The following PTPRG variants were observed in gnomAD, a reference collection of about 807,000 sequenced individuals.
PTPRG encodes the protein protein tyrosine phosphatase receptor type G.
Under a neutral mutation model 165.3 loss-of-function variants are expected in PTPRG, and 102 were observed. The ratio of observed to expected loss-of-function variants is 0.62; its 90% confidence interval spans 0.53 to 0.73. The LOEUF is 0.73. Among genes scored for constraint, PTPRG ranks in the 30% least tolerant of loss-of-function variants. The pLI, the probability that PTPRG is intolerant of heterozygous loss-of-function variation, is 0.00. For missense variants in PTPRG, 1,866 were observed against 1,861.4 expected (o/e 1.00, Z -0.05); for synonymous variants, 675 against 669.5 (o/e 1.01, Z -0.13).
At chr3:62,182,877 G>T (rs1271293568) in intron 8 of PTPRG, among the ~76,000 whole-genome samples, 1 of 152,036 alleles carries the variant, frequency 6.6e-6, no homozygotes, top group African/African-American at 2.4e-5. Flanking sequence ...GGATGGTCTC[G>T]ATCTCTTGAC....
At position 61,810,514 on chromosome 3, in the gene PTPRG, G is replaced by T. The variant is rs111567682; in HGVS notation, c.190+61532G>T. Among the ~76,000 whole-genome samples, 968 of 152,242 alleles carry T rather than the reference G, an allele frequency of 6.4e-3. 10 individuals carry two copies. The highest frequency in any genetic ancestry group is 0.022 in the African/African-American group (934 of 41,544). On this transcript the variant is annotated intron_variant, in intron 2 of 29. Coordinates refer to ENST00000474889, the MANE Select transcript of PTPRG (RefSeq NM_002841.4). ...ACAGTGCGAAGGGATACCTTATTTAGCATTGTTTAAACCTCTTTATCTGCT... is the reference window on the plus strand; with the variant it reads ...ACAGTGCGAAGGGATACCTTATTTATCATTGTTTAAACCTCTTTATCTGCT...
chr3:62,010,299 G>A lies in PTPRG; in HGVS notation c.519+6802G>A, dbSNP rs1270424335. ...TATTAAGGGCTTTGAAGAGTCCTCC[G>A]CTGAAGAATCTGTTTACCTTTGTTT... On this transcript the variant is annotated intron_variant, in intron 4 of 29. Coordinates refer to ENST00000474889, the MANE Select transcript of PTPRG (RefSeq NM_002841.4). Among the ~76,000 whole-genome samples, 6 of 151,992 alleles carry A rather than the reference G, an allele frequency of 3.9e-5. No individual in the cohort carries two copies. In the South Asian group the frequency reaches 6.2e-4, roughly 16 times the overall value.
chr3:61,664,810 G>A (rs949107153), intron 1 of PTPRG, among the ~76,000 whole-genome samples: 3 of 152,124 alleles, frequency 2.0e-5, no homozygotes, highest in African/African-American at 7.2e-5. Context: ...CAGCCTGGGC[G>A]ACAGAGCCAG....
rs1700339509 is a variant in PTPRG, at chr3:62,210,733, C to A, written c.2155+6783C>A. On this transcript the variant is annotated intron_variant, in intron 12 of 29. Transcript: ENST00000474889. This position sits in a 1 kb window ranked among gnomAD's most constrained non-coding sequence, Gnocchi z 4.1. ...TGAGAATGAAGACCTTTATGATGAC[C>A]CACTTCCACTTAATGAATAGTAAAT... Among the ~76,000 whole-genome samples the A allele has an allele frequency of 6.6e-6, 1 of 152,076 alleles. No individual in the cohort carries two copies. Among genetic ancestry groups the A allele is most frequent in the African/African-American group, 2.4e-5 (1 of 41,398 alleles).
intron 5 of PTPRG, among the ~76,000 whole-genome samples, chr3:62,096,274 AAAT>A (rs1463915817): frequency 1.3e-5 from 2 of 152,160 alleles, no homozygotes; most frequent in African/African-American, 4.8e-5. Context: ...TGACTCATGA[AAAT>A]AACGCTTCTG....
At chr3:61,945,095 C>T (rs2039723873) in intron 2 of PTPRG, among the ~76,000 whole-genome samples, 1 of 152,162 alleles carries the variant, frequency 6.6e-6, no homozygotes, top group Admixed American at 6.5e-5. Flanking sequence ...GTGGACAGAA[C>T]AGGGGCAGAG....
intron 4 of PTPRG, among the ~76,000 whole-genome samples, chr3:62,059,603 C>T (rs1700738275): frequency 1.3e-5 from 2 of 152,172 alleles, no homozygotes; most frequent in African/African-American, 2.4e-5. Context: ...TCTGGGAGGC[C>T]CAGGCAGACA....
At chr3:61,657,483 TAAA>T (rs1460446766) in intron 1 of PTPRG, among the ~76,000 whole-genome samples, 1 of 151,964 alleles carries the variant, frequency 6.6e-6, no homozygotes, top group African/African-American at 2.4e-5. Context: ...CAAAATAAAA[TAAA>T]AAAATAAGCT....
chr3:61,606,354 T>C (rs544184261), intron 1 of PTPRG, among the ~76,000 whole-genome samples: 1 of 152,294 alleles, frequency 6.6e-6, no homozygotes, highest in South Asian at 2.1e-4. Context: ...GTGCGGGGTG[T>C]CAGGGTGTCT....
At chr3:62,002,958 CTTGGGGT>C (rs1440538802) in intron 3 of PTPRG, among the ~76,000 whole-genome samples, 7 of 152,216 alleles carry the variant, frequency 4.6e-5, no homozygotes, top group African/African-American at 1.7e-4. Flanking sequence ...GACCTTGAAT[CTTGGGGT>C]AGCCCCATGA....
intron 4 of PTPRG, among the ~76,000 whole-genome samples, chr3:62,031,129 A>G (rs886472690): frequency 5.9e-5 from 9 of 152,242 alleles, no homozygotes; most frequent in Non-Finnish European, 1.0e-4. Context: ...CGTAATCAAC[A>G]AATAGGTGTT....
intron 5 of PTPRG, among the ~76,000 whole-genome samples, chr3:62,102,362 C>T (rs577104763): frequency 1.6e-3 from 251 of 152,238 alleles, no homozygotes; most frequent in African/African-American, 5.7e-3. Flanking sequence ...GCAACCTCCG[C>T]CTCCTGGGTT....
At chr3:61,758,736 A>G (rs1401192005) in intron 2 of PTPRG, among the ~76,000 whole-genome samples, 1 of 152,004 alleles carries the variant, frequency 6.6e-6, no homozygotes, top group Non-Finnish European at 1.5e-5. Flanking sequence ...GCTCGGCTTC[A>G]TGTTGAAATT....
intron 2 of PTPRG, among the ~76,000 whole-genome samples, chr3:61,853,614 A>G (rs1190175133): frequency 6.6e-6 from 1 of 152,234 alleles, no homozygotes; most frequent in Non-Finnish European, 1.5e-5. Flanking sequence ...AGAACTGCAC[A>G]GCTAAGCCAT....
chr3:62,048,567 C>A (rs915272874), intron 4 of PTPRG, among the ~76,000 whole-genome samples: 1 of 152,332 alleles, frequency 6.6e-6, no homozygotes, highest in East Asian at 1.9e-4. Flanking sequence ...ACCAGAAGGG[C>A]AACCTTTTTT....
intron 1 of PTPRG, among the ~76,000 whole-genome samples, chr3:61,632,894 G>C (rs1701807620): frequency 6.6e-6 from 1 of 152,042 alleles, no homozygotes; most frequent in South Asian, 2.1e-4. Flanking sequence ...ACATGATCCA[G>C]CTTCTGTCTT....
intron 4 of PTPRG, among the ~76,000 whole-genome samples, chr3:62,063,350 A>C (rs76586880): frequency 0.013 from 2,004 of 152,300 alleles, 42 homozygotes; most frequent in African/African-American, 0.046. Flanking sequence ...GCCTTTATCC[A>C]GTTCAGAAAA....
intron 1 of PTPRG, among the ~76,000 whole-genome samples, chr3:61,681,555 G>A (rs552002212): frequency 1.3e-5 from 2 of 152,194 alleles, no homozygotes; most frequent in South Asian, 2.1e-4. Context: ...TCGGCCGTTT[G>A]TTTCACCTTG....
chr3:61,933,682 C>CA (rs2039416077), intron 2 of PTPRG, among the ~76,000 whole-genome samples: 1 of 127,568 alleles, frequency 7.8e-6, no homozygotes, highest in African/African-American at 3.6e-5. Flanking sequence ...TGGCCACTGA[C>CA]GCCCCTTCCA....
Sources: allele counts gnomAD v4.1 joint callset (sites outside exome capture counted in the v4.1 genomes callset), GRCh38; gene constraint gnomAD v4.1.1; non-coding constraint Gnocchi (gnomAD v3.1); transcripts MANE v1.5; gene names NCBI Gene and HGNC (gene_info 2026-07-23, HGNC 2026-07-21).